Variants in AFAP1L2 observed in about 807,000 individuals in gnomAD.
The protein encoded by AFAP1L2 is actin filament associated protein 1 like 2, also known as actin filament-associated protein 1-like 2.
AFAP1L2 carries 46 observed loss-of-function variants against 99.3 expected under a neutral mutation model. The ratio of observed to expected loss-of-function variants is 0.46; its 90% CI spans 0.37 to 0.59. AFAP1L2 has a LOEUF of 0.59. Among genes scored for constraint, AFAP1L2 ranks in the 20% least tolerant of loss-of-function variants. The probability of loss-of-function intolerance (pLI) is 0.00; values close to 1 mark genes in which losing one functional copy is unlikely to be tolerated. For synonymous variants in AFAP1L2, 397 were observed against 419.1 expected, an observed-to-expected ratio of 0.95 and a Z score of 0.64; for missense variants, 959 against 1,034.9, an observed-to-expected ratio of 0.93 and a Z score of 1.01.
the AFAP1L2 span, among the ~76,000 whole-genome samples, chr10:114,283,435 G>T: frequency 2.0e-5 from 3 of 152,144 alleles, no homozygotes; most frequent in Non-Finnish European, 4.4e-5. Flanking sequence ...GGGGTTAGGT[G>T]ATCCCTTCAG....
At position 114,331,717 on chromosome 10, in the gene AFAP1L2, C is replaced by T. The variant is rs957606722; in HGVS notation, c.315+86G>A. 6.1e-6 allele frequency: 6 copies of T among 975,862 alleles called. No individual in the cohort carries two copies. The East Asian group carries it at 1.6e-4, about 27-fold the overall frequency. The allele number at this position is 975,862 out of a possible 1,614,324, so 60.5% of individuals were successfully genotyped here. On this transcript the variant is annotated intron_variant, in intron 4 of 18. Transcript: ENST00000304129. ...CAGTAGCTGCTCAGAAAATGCCAGA[C>T]ACTTAGTGAGCTGACACCTGTGGAG...
At chr10:114,397,335 A>G (rs962743471) in intron 1 of AFAP1L2, among the ~76,000 whole-genome samples, 1 of 152,208 alleles carries the variant, frequency 6.6e-6, no homozygotes, top group South Asian at 2.1e-4. Flanking sequence ...TCATATAAAT[A>G]GAATCATTCA....
chr10:114,350,947 C>A (rs1241009918), intron 1 of AFAP1L2, among the ~76,000 whole-genome samples: 2 of 152,192 alleles, frequency 1.3e-5, no homozygotes, highest in Non-Finnish European at 2.9e-5. Flanking sequence ...CCATTTAAGA[C>A]ATTCCTTAAA....
Position 114,381,732 on chromosome 10 carries a change from C to T in AFAP1L2, c.16+22708G>A, listed in dbSNP as rs545250379. On this transcript the variant is annotated intron_variant, in intron 1 of 18. Coordinates refer to ENST00000304129, the MANE Select transcript of AFAP1L2 (RefSeq NM_001001936.3). The stretch of plus-strand genomic sequence containing the variant: ...TCAGAAAAATAAATATAAAACAAGT[C>T]AAAAGATAAGAAACTGGAGAAATCT... Among the ~76,000 whole-genome samples the T allele has an allele frequency of 8.7e-4, 132 of 151,982 alleles. 1 individual carries two copies. The highest frequency in any genetic ancestry group is 3.1e-3 in the African/African-American group (127 of 41,494).
Position 114,307,899 on chromosome 10 carries a change from T to C in AFAP1L2, c.978A>G (p.Lys326=), listed in dbSNP as rs776265905. 2.5e-6 allele frequency: 4 copies of C among 1,614,124 alleles called. No homozygotes were observed. The South Asian group carries it at 4.4e-5, about 18-fold the overall frequency. The change falls in exon 10 of 19, where the codon AAA becomes AAG. Residue 326 remains lysine (K), a synonymous_variant. Transcript: ENST00000304129. ...TGCTCAGTTTGAGGCCAGCAGAACA[T>C]TTCTTCTTGACTGTCAAGATGAGAC... ...EVPETKDVKK[K]CSAGLKLSNL...
intron 1 of AFAP1L2, among the ~76,000 whole-genome samples, chr10:114,365,457 T>C (rs1590601116): frequency 6.6e-6 from 1 of 152,184 alleles, no homozygotes; most frequent in African/African-American, 2.4e-5. Flanking sequence ...AATGAAAATA[T>C]AAAATTTTAA....
intron 1 of AFAP1L2, among the ~76,000 whole-genome samples, chr10:114,353,325 C>G (rs1323288699): frequency 6.6e-6 from 1 of 152,240 alleles, no homozygotes; most frequent in East Asian, 1.9e-4. Flanking sequence ...ATGACTCAAA[C>G]TAGCTGTTCT....
chr10:114,366,578 G>A (rs2053285381), intron 1 of AFAP1L2, among the ~76,000 whole-genome samples: 1 of 152,230 alleles, frequency 6.6e-6, no homozygotes, highest in Non-Finnish European at 1.5e-5. Flanking sequence ...GTCAAAGAAG[G>A]GAGGTAAAGG....
intron 2 of AFAP1L2, among the ~76,000 whole-genome samples, chr10:114,337,110 C>T (rs551006136): frequency 9.2e-5 from 14 of 152,268 alleles, no homozygotes; most frequent in African/African-American, 2.6e-4. Flanking sequence ...ATTTCAGGTG[C>T]GGTATGTGTG....
rs532729058 is a variant in AFAP1L2 at position 114,340,565 on chromosome 10, G to A, written c.145+38C>T. 3.1e-6 allele frequency: 5 copies of A among 1,595,128 alleles called. No homozygotes were observed. In the Admixed American group the frequency reaches 6.9e-5, roughly 22 times the overall value. On this transcript the variant is annotated intron_variant, in intron 2 of 18. Transcript: ENST00000304129. ...CACTGACTCACAACCATCTCTTTTG[G>A]CGTGGAGGCCTCTGCACCACCCAGG...
rs558673394 is a variant in AFAP1L2, at chr10:114,317,826, C to G, written c.407-2061G>C. On this transcript the variant is annotated intron_variant, in intron 5 of 18. Transcript: ENST00000304129. ...ATGAACTGAGATCGTGCCACTGGCA[C>G]TCCAGCCTGCGCAACAGAGTGAGAC... Among the ~76,000 whole-genome samples, 439 of 152,294 alleles carry G rather than the reference C, an allele frequency of 2.9e-3. 3 individuals carry two copies. Among genetic ancestry groups the G allele is most frequent in the Non-Finnish European group, 4.2e-3 (289 of 68,030 alleles).
intron 1 of AFAP1L2, chr10:114,363,056 C>T (rs897789996): frequency 1.0e-4 from 99 of 985,284 alleles, no homozygotes; most frequent in Non-Finnish European, 1.2e-4. Flanking sequence ...GGCTGCTCTC[C>T]GCTGGGGTCG....
chr10:114,387,544 AC>A (rs1211762028), intron 1 of AFAP1L2, among the ~76,000 whole-genome samples: 1 of 152,218 alleles, frequency 6.6e-6, no homozygotes, highest in Non-Finnish European at 1.5e-5. Flanking sequence ...CGGGGCTCTG[AC>A]CATGTGCTGA....
downstream of AFAP1L2, among the ~76,000 whole-genome samples, chr10:114,292,507 A>C (rs1284218796): frequency 6.6e-6 from 1 of 151,056 alleles, no homozygotes; most frequent in South Asian, 2.1e-4. Flanking sequence ...ATTTCAAGAA[A>C]TGTTGGTTAT....
At chr10:114,340,170 A>G (rs2048600007) in intron 2 of AFAP1L2, among the ~76,000 whole-genome samples, 1 of 59,244 alleles carries the variant, frequency 1.7e-5, no homozygotes, top group African/African-American at 5.8e-5. Context: ...CATCTCTACA[A>G]AAAAAAAATA....
Position 114,296,017 on chromosome 10 carries a change from A to T in AFAP1L2, c.*25T>A. ...TGTCACCAAGGTCCACATTGACATGAGAGTCTTTAGATGAAGCTTGTTTTC... is the reference window on the plus strand; with the variant it reads ...TGTCACCAAGGTCCACATTGACATGTGAGTCTTTAGATGAAGCTTGTTTTC... On this transcript the variant is annotated 3_prime_UTR_variant, in exon 19 of 19. Coordinates refer to ENST00000304129, the MANE Select transcript of AFAP1L2 (RefSeq NM_001001936.3). 1.2e-6 allele frequency: 2 copies of T among 1,614,142 alleles called. No homozygotes were observed. Among genetic ancestry groups the T allele is most frequent in the East Asian group, 4.5e-5 (2 of 44,876 alleles).
chr10:114,362,265 A>C (rs1047718473), intron 1 of AFAP1L2, among the ~76,000 whole-genome samples: 1 of 152,206 alleles, frequency 6.6e-6, no homozygotes, highest in African/African-American at 2.4e-5. Context: ...TGCCCTCCCC[A>C]AAAAAGATAT....
intron 5 of AFAP1L2, among the ~76,000 whole-genome samples, chr10:114,317,425 C>T (rs774303148): frequency 3.9e-5 from 6 of 152,130 alleles, no homozygotes; most frequent in Non-Finnish European, 5.9e-5. Flanking sequence ...TGAACTCTTA[C>T]GTTATAGGTG....
At chr10:114,315,903 C>T in intron 5 of AFAP1L2, 138 bp from the exon 6 acceptor site, 1 of 842,904 alleles carries the variant, frequency 1.2e-6, no homozygotes, top group Non-Finnish European at 1.8e-6. Context: ...AAAGCAGCCC[C>T]ACAGCCAGCA....
Sources: allele counts gnomAD v4.1 joint callset (sites outside exome capture counted in the v4.1 genomes callset), GRCh38; gene constraint gnomAD v4.1.1; transcripts MANE v1.5; gene names NCBI Gene and HGNC (gene_info 2026-07-23, HGNC 2026-07-21).